The following CADM1 variants were observed in gnomAD, a reference collection of about 807,000 sequenced individuals.
The protein encoded by CADM1 is TSLC-1.
CADM1 carries 15 observed loss-of-function variants against 53.1 expected under a neutral mutation model. The ratio of observed to expected loss-of-function variants is 0.28; its 90% confidence interval spans 0.19 to 0.44. CADM1 has a LOEUF of 0.44. CADM1 is among the 20% of genes least tolerant of loss of function. CADM1 has a pLI of 1.00. For missense variants in CADM1, 434 were observed against 611.3 expected, an observed-to-expected ratio of 0.71 and a Z score of 3.06; for synonymous variants, 281 against 243.0, an observed-to-expected ratio of 1.16 and a Z score of -1.45.
chr11:115,445,768 C>G (rs1204230127), intron 1 of CADM1: 4 of 453,558 alleles, frequency 8.8e-6, no homozygotes, highest in South Asian at 6.2e-5. Flanking sequence ...CACCTGAGCA[C>G]GGGAAGGCCG....
chr11:115,191,126 G>A lies in CADM1; in HGVS notation c.1112-185C>T, dbSNP rs11215404. 1,038 of 580,024 alleles carry A rather than the reference G, an allele frequency of 1.8e-3. 7 individuals carry two copies. Among genetic ancestry groups the A allele is most frequent in the African/African-American group, 0.017 (904 of 53,490 alleles). The allele number at this position is 580,024 out of a possible 1,614,324, so 35.9% of individuals were successfully genotyped here. On this transcript the variant is annotated intron_variant, in intron 9 of 11. Transcript: ENST00000331581. ...AATTATGTAATTTTGTTCTTAATAC[G>A]CAATCGAGGCAGAAAGATTCCTCAG...
chr11:115,404,844 G>GAAA (rs774430187), intron 1 of CADM1, among the ~76,000 whole-genome samples: 8 of 52,326 alleles, frequency 1.5e-4, no homozygotes, highest in Admixed American at 1.3e-3. Flanking sequence ...CCTGCCTCAG[G>GAAA]AAAAAAAAAA....
chr11:115,285,248 C>T (rs1943701003), intron 1 of CADM1, among the ~76,000 whole-genome samples: 1 of 152,182 alleles, frequency 6.6e-6, no homozygotes, highest in African/African-American at 2.4e-5. Context: ...TTAATAGACA[C>T]ATTCACACTG....
At chr11:115,358,262 T>G (rs1375802538) in intron 1 of CADM1, among the ~76,000 whole-genome samples, 1 of 152,176 alleles carries the variant, frequency 6.6e-6, no homozygotes, top group African/African-American at 2.4e-5. Flanking sequence ...AGAAAAAGAT[T>G]CATAAAGTAT....
chr11:115,496,509 G>C (rs1052714570), intron 1 of CADM1, among the ~76,000 whole-genome samples: 1 of 152,180 alleles, frequency 6.6e-6, no homozygotes, highest in Non-Finnish European at 1.5e-5. Flanking sequence ...GGGCAATAGA[G>C]AGGGAGTGGG....
intron 7 of CADM1, among the ~76,000 whole-genome samples, chr11:115,210,592 C>T (rs1266426737): frequency 1.3e-5 from 2 of 152,172 alleles, no homozygotes; most frequent in African/African-American, 4.8e-5. Flanking sequence ...TTGAACTAAG[C>T]AATCATTCTG....
At chr11:115,233,880 C>G (rs1173164809) in intron 3 of CADM1, among the ~76,000 whole-genome samples, 2 of 152,156 alleles carry the variant, frequency 1.3e-5, no homozygotes, top group African/African-American at 4.8e-5. Context: ...ACAAAGAGGG[C>G]AAATGGCTAA....
chr11:115,398,924 T>C (rs1947068836), intron 1 of CADM1, among the ~76,000 whole-genome samples: 1 of 152,184 alleles, frequency 6.6e-6, no homozygotes, highest in African/African-American at 2.4e-5. Context: ...GAGGGAGAGT[T>C]AGTCTCTATT....
At chr11:115,287,671 G>A (rs1454709622) in intron 1 of CADM1, among the ~76,000 whole-genome samples, 3 of 152,174 alleles carry the variant, frequency 2.0e-5, no homozygotes, top group Non-Finnish European at 4.4e-5. Flanking sequence ...ACTGAGTTAC[G>A]AATTGCCACA....
chr11:115,194,864 A>G (rs914583903), intron 9 of CADM1, among the ~76,000 whole-genome samples: 2 of 152,190 alleles, frequency 1.3e-5, no homozygotes, highest in African/African-American at 4.8e-5. Context: ...CAAGACACAG[A>G]AGCGCCCACA....
intron 8 of CADM1, among the ~76,000 whole-genome samples, chr11:115,207,899 G>A (rs1940772977): frequency 6.6e-6 from 1 of 152,178 alleles, no homozygotes; most frequent in Non-Finnish European, 1.5e-5. Context: ...ACAAGAGTAC[G>A]AGTCTAATTT....
chr11:115,174,744 T>C lies in CADM1; in HGVS notation c.*1730A>G. Reference sequence around the variant, plus strand: ...CTCACTGAAAATGTAATAGAATATATATTTATATATATATATAGATCTATC... The same window carrying C: ...CTCACTGAAAATGTAATAGAATATACATTTATATATATATATAGATCTATC... On this transcript the variant is annotated 3_prime_UTR_variant, in exon 12 of 12. Transcript: ENST00000331581. 1.1e-6 allele frequency: 1 copy of C among 878,520 alleles called. No homozygotes were observed. The highest frequency in any genetic ancestry group is 1.4e-6 in the Non-Finnish European group (1 of 732,762). The allele number at this position is 878,520 out of a possible 1,614,324, so 54.4% of individuals were successfully genotyped here.
At chr11:115,400,661 G>GTATATATATATATATATATATA (rs372594262) in intron 1 of CADM1, among the ~76,000 whole-genome samples, 1 of 46,572 alleles carries the variant, frequency 2.1e-5, no homozygotes, top group African/African-American at 7.3e-5. Context: ...GTGTGTGTGT[G>GTATATATATATATATATATATA]TATATATATA....
At chr11:115,297,076 TC>T (rs1291916316) in intron 1 of CADM1, among the ~76,000 whole-genome samples, 1 of 152,200 alleles carries the variant, frequency 6.6e-6, no homozygotes, top group Non-Finnish European at 1.5e-5. Flanking sequence ...TATAGTACAT[TC>T]CCCTCCTTGC....
intron 1 of CADM1, among the ~76,000 whole-genome samples, chr11:115,386,303 T>C (rs980513611): frequency 6.6e-6 from 1 of 152,270 alleles, no homozygotes; most frequent in Non-Finnish European, 1.5e-5. Context: ...GGAACACTTA[T>C]ATCCTATGCA....
At chr11:115,291,148 A>T (rs879118429) in intron 1 of CADM1, among the ~76,000 whole-genome samples, 2 of 152,178 alleles carry the variant, frequency 1.3e-5, no homozygotes, top group South Asian at 4.1e-4. Context: ...AGCAACGAGG[A>T]GTGCCCACTG....
intron 1 of CADM1, among the ~76,000 whole-genome samples, chr11:115,373,598 AAAAAAAAAAAG>A (rs1363780091): frequency 2.5e-5 from 3 of 118,810 alleles, no homozygotes; most frequent in Non-Finnish European, 6.1e-5. Flanking sequence ...AAAAAAAAAA[AAAAAAAAAAAG>A]AAGAAGAAGA....
At chr11:115,364,680 T>C (rs1946114148) in intron 1 of CADM1, among the ~76,000 whole-genome samples, 1 of 152,206 alleles carries the variant, frequency 6.6e-6, no homozygotes, top group African/African-American at 2.4e-5. Context: ...TGTCAGTCAG[T>C]AGTAACACTT....
intron 1 of CADM1, among the ~76,000 whole-genome samples, chr11:115,424,851 A>AAAC (rs562893813): frequency 4.3e-4 from 65 of 152,260 alleles, no homozygotes; most frequent in African/African-American, 1.3e-3. Flanking sequence ...CTATATATAC[A>AAAC]AACAACAACA....
Sources: gnomAD v4.1 joint callset for allele counts (sites outside exome capture counted in the v4.1 genomes callset) on GRCh38, gnomAD v4.1.1 for gene constraint, MANE v1.5 for transcripts, NCBI Gene and HGNC (gene_info 2026-07-23, HGNC 2026-07-21) for gene names.